The following F8 variants were observed in gnomAD, a reference collection of about 807,000 sequenced individuals.
F8 encodes antihemophilic factor.
Under a neutral mutation model 140.6 loss-of-function variants are expected in F8, and 12 were observed. The ratio of observed to expected loss-of-function variants is 0.09; its 90% CI spans 0.05 to 0.14. F8 has a LOEUF of 0.14. Ranked by LOEUF, F8 falls within the 10% of genes least tolerant of loss-of-function variation. The probability of loss-of-function intolerance (pLI) is 1.00; values close to 1 mark genes in which losing one functional copy is unlikely to be tolerated. For synonymous variants in F8, 585 were observed against 614.6 expected (o/e 0.95, Z 0.71); for missense variants, 1,354 against 1,720.7 (o/e 0.79, Z 3.77).
At chrX:154,870,679 A>G (rs113825319) in intron 22 of F8, among the ~76,000 whole-genome samples, 7 of 111,912 alleles carry the variant, frequency 6.3e-5, no homozygotes, top group Admixed American at 3.8e-4. Context: ...TCAACATAGT[A>G]TTGGAAGTTC....
intron 22 of F8, among the ~76,000 whole-genome samples, chrX:154,868,995 C>G (rs928813902): frequency 4.5e-5 from 5 of 111,683 alleles, no homozygotes; most frequent in Non-Finnish European, 5.6e-5. Context: ...GCAAGAAGAG[C>G]TAACTATCCT....
At chrX:155,015,425 G>GA (rs1327464249) in intron 1 of F8, among the ~76,000 whole-genome samples, 2 of 111,388 alleles carry the variant, frequency 1.8e-5, no homozygotes, top group Non-Finnish European at 3.8e-5. Context: ...CCATAGATTG[G>GA]AAAAAAACAT....
intron 12 of F8, among the ~76,000 whole-genome samples, chrX:154,948,203 G>GA (rs1261456811): frequency 1.8e-5 from 2 of 110,876 alleles, no homozygotes; most frequent in South Asian, 7.7e-4. Context: ...GGAGAAACCA[G>GA]AAAAAAACCT....
intron 22 of F8, among the ~76,000 whole-genome samples, chrX:154,876,020 T>C (rs1265256644): frequency 9.0e-6 from 1 of 110,572 alleles, no homozygotes; most frequent in African/African-American, 3.3e-5. Flanking sequence ...ATATCACTCA[T>C]AGAACACCTG....
At chrX:154,982,960 T>C (rs2124129213) in intron 6 of F8, among the ~76,000 whole-genome samples, 1 of 112,662 alleles carries the variant, frequency 8.9e-6, no homozygotes, top group Non-Finnish European at 1.9e-5. Context: ...ATGTTATTGA[T>C]AAGGCTTCTG....
rs781855296 is a variant in F8 at position 154,957,899 on chromosome X, A to C, written c.1538-728T>G. On this transcript the variant is annotated intron_variant, in intron 10 of 25. Transcript: ENST00000360256. Reference sequence around the variant, plus strand: ...CTGTCTCCAAAAAAAAAAAAAAAAGAAAGAAAGAAAGAAAGGGAATGGTGT... The same window carrying C: ...CTGTCTCCAAAAAAAAAAAAAAAAGCAAGAAAGAAAGAAAGGGAATGGTGT... 4.6e-5 allele frequency among the ~76,000 whole-genome samples: 5 copies of C among 108,428 alleles called. No homozygotes were observed. The Admixed American group carries it at 4.9e-4, about 11-fold the overall frequency. 94.2% of individuals were successfully genotyped at this position (108,428 alleles called of 115,157 possible).
In F8 at chrX:155,022,553, G is replaced by A. The variant is rs1557287621; in HGVS notation, c.-1C>T. The stretch of plus-strand genomic sequence containing the variant: ...AGCAGGTGGAGAGCTCTATTTGCAT[G>A]ACTTATTGCTACAAATGTTCAACTG... On this transcript the variant is annotated 5_prime_UTR_variant, in exon 1 of 26. Coordinates refer to ENST00000360256, the MANE Select transcript of F8 (RefSeq NM_000132.4). 8.3e-7 allele frequency: 1 copy of A among 1,211,935 alleles called. No homozygotes were observed. Among genetic ancestry groups the A allele is most frequent in the Non-Finnish European group, 1.1e-6 (1 of 895,444 alleles).
chrX:154,967,109 T>C (rs1462567331), intron 7 of F8, among the ~76,000 whole-genome samples: 1 of 111,549 alleles, frequency 9.0e-6, no homozygotes, highest in East Asian at 2.8e-4. Flanking sequence ...GCCTTAACTT[T>C]TATGACTTCT....
chrX:154,875,736 AGTGTGTGT>A (rs35911984), intron 22 of F8, among the ~76,000 whole-genome samples: 1,311 of 93,417 alleles, frequency 0.014, 27 homozygotes, highest in African/African-American at 0.048. Context: ...CTAAGAATGT[AGTGTGTGT>A]GTGTGTGTGT....
chrX:154,944,137 A>G (rs1370109859), intron 13 of F8, among the ~76,000 whole-genome samples: 1 of 111,797 alleles, frequency 8.9e-6, no homozygotes, highest in Non-Finnish European at 1.9e-5. Flanking sequence ...AAACACCAAA[A>G]GCAATGGCAA....
intron 14 of F8, among the ~76,000 whole-genome samples, chrX:154,926,521 G>A (rs1161683317): frequency 9.0e-6 from 1 of 111,111 alleles, no homozygotes; most frequent in Non-Finnish European, 1.9e-5. Flanking sequence ...GACTGCAGGT[G>A]TGCACCACCA....
intron 1 of F8, among the ~76,000 whole-genome samples, chrX:155,005,946 A>G (rs1248494065): frequency 9.0e-6 from 1 of 110,684 alleles, no homozygotes; most frequent in African/African-American, 3.3e-5. Context: ...CTTTTACCCA[A>G]TCCTGCTTCC....
Position 154,930,481 on chromosome X carries a change from G to A in F8, c.3309C>T (p.Pro1103=). The part of the protein sequence containing the change: ...MEMVQQKKEG[P]IPPDAQNPDM... ...CTGGATTTTGTGCATCTGGTGGAAT[G>A]GGGCCCTCTTTTTTCTGTTGGACCA... is the stretch of plus-strand genomic sequence containing the variant. The change falls in exon 14 of 26, where the codon CCC becomes CCT. Residue 1103 remains proline (P), a synonymous_variant. Transcript: ENST00000360256. The A allele has an allele frequency of 8.3e-7, 1 of 1,208,401 alleles. No individual in the cohort carries two copies. The highest frequency in any genetic ancestry group is 1.1e-6 in the Non-Finnish European group (1 of 892,408).
intron 14 of F8, among the ~76,000 whole-genome samples, chrX:154,911,089 C>T (rs782632868): frequency 1.8e-5 from 2 of 109,223 alleles, no homozygotes; most frequent in South Asian, 4.2e-4. Flanking sequence ...TCTGCCACAT[C>T]CCCCTCTCCG....
At position 155,007,863 on chromosome X, in the gene F8, T is replaced by C. The variant is rs782509304; in HGVS notation, c.144-8263A>G. 1.2e-4 allele frequency among the ~76,000 whole-genome samples: 13 copies of C among 110,253 alleles called. No individual in the cohort carries two copies. In the South Asian group the frequency reaches 5.2e-3, roughly 44 times the overall value. On this transcript the variant is annotated intron_variant, in intron 1 of 25. Transcript: ENST00000360256. The stretch of plus-strand genomic sequence containing the variant: ...AAAAAGGTTGGGGATTGCTGCAATA[T>C]GGTATTGTCCATCACAGAGACAAAC...
intron 25 of F8, among the ~76,000 whole-genome samples, chrX:154,850,083 T>TTTTGTG (rs782376670): frequency 1.0e-5 from 1 of 96,073 alleles, no homozygotes; most frequent in African/African-American, 3.9e-5. Flanking sequence ...CAGGCTTGTT[T>TTTTGTG]TGTGTGTGTG....
At chrX:154,926,691 T>C (rs1417144643) in intron 14 of F8, among the ~76,000 whole-genome samples, 1 of 111,773 alleles carries the variant, frequency 8.9e-6, no homozygotes, top group Non-Finnish European at 1.9e-5. Context: ...TGGTTTTTGA[T>C]TGCCATGGAG....
rs1421696873 is a variant in F8 at position 154,997,018 on chromosome X, C to T, written c.343G>A (p.Val115Ile). 1 of 1,211,100 alleles carries T rather than the reference C, an allele frequency of 8.3e-7. No individual in the cohort carries two copies. The highest frequency in any genetic ancestry group is 1.1e-6 in the Non-Finnish European group (1 of 895,021). ...ITLKNMASHP[V>I]SLHAVGVSYW... ...GATACACCAACAGCATGAAGACTGA[C>T]AGGATGGGAAGCCATGTTCTTAAGT... The change falls in exon 3 of 26, where the codon GTC (valine) becomes ATC (isoleucine). Residue 115 changes from valine to isoleucine, a missense_variant. Val to Ile is a conservative substitution (Grantham distance 29). Transcript: ENST00000360256.
intron 14 of F8, among the ~76,000 whole-genome samples, chrX:154,907,133 T>C (rs1478604224): frequency 8.9e-6 from 1 of 112,205 alleles, no homozygotes; most frequent in African/African-American, 3.2e-5. Flanking sequence ...TTTATGATAA[T>C]CATTTCTTTG....
Sources: gnomAD v4.1 joint callset for allele counts (sites outside exome capture counted in the v4.1 genomes callset) on GRCh38, gnomAD v4.1.1 for gene constraint, MANE v1.5 for transcripts, NCBI Gene and HGNC (gene_info 2026-07-23, HGNC 2026-07-21) for gene names.